Variants in TRIM56 observed in about 807,000 individuals in gnomAD.
The protein encoded by TRIM56 is E3 ubiquitin-protein ligase TRIM56.
TRIM56 carries 10 observed loss-of-function variants against 17.1 expected under a neutral mutation model. The ratio of observed to expected loss-of-function variants is 0.58; its 90% CI spans 0.36 to 0.99. The LOEUF (loss-of-function observed/expected upper bound fraction) is 0.99, where lower values mean the gene tolerates loss of function less well. Among genes scored for constraint, TRIM56 ranks in the 50% least tolerant of loss-of-function variants. TRIM56 has a pLI of 0.01. For missense variants in TRIM56, 923 were observed against 1,052.3 expected (o/e 0.88, Z 1.70); for synonymous variants, 503 against 473.5 (o/e 1.06, Z -0.81).
Position 101,094,726 on chromosome 7 carries a change from G to T in TRIM56, c.*5146G>T, listed in dbSNP as rs1021554379. The T allele has an allele frequency of 6.7e-6, 1 of 149,760 alleles. No homozygotes were observed. The highest frequency in any genetic ancestry group is 1.5e-5 in the Non-Finnish European group (1 of 67,802). 9.3% of individuals were successfully genotyped at this position (149,760 alleles called of 1,614,324 possible). On this transcript the variant is annotated 3_prime_UTR_variant, in exon 3 of 3. Coordinates refer to ENST00000306085, the MANE Select transcript of TRIM56 (RefSeq NM_030961.3). ...ATCGTGGAGTGTCTGGAAGGCGGGG[G>T]AAGTTTTGTTGAGTTCACCAAATAA... is the stretch of plus-strand genomic sequence containing the variant.
rs914931500 is a variant in TRIM56 at position 101,091,738 on chromosome 7, AAAAAG to A, written c.*2167_*2171del. On this transcript the variant is annotated 3_prime_UTR_variant, in exon 3 of 3. Transcript: ENST00000306085. ...ATGAAACTCCATCTCAAAAAAAAAG[AAAAAG>A]AAAAGAAAGAAAACCAAGGTCCCTC... 10 of 441,660 alleles carry A rather than the reference AAAAAG, an allele frequency of 2.3e-5. No individual in the cohort carries two copies. Among genetic ancestry groups the A allele is most frequent in the African/African-American group, 2.1e-4 (9 of 43,510 alleles). 27.4% of individuals were successfully genotyped at this position (441,660 alleles called of 1,614,324 possible).
chr7:101,087,796 C>G lies in TRIM56; in HGVS notation c.484C>G (p.Arg162Gly). ...YRAGWYDEEA[R>G]ERQAAQCPQH... ...GGCCGGGTGGTATGATGAGGAGGCCCGGGAGCGCCAAGCGGCCCAGTGTCC... is the reference window on the plus strand; with the variant it reads ...GGCCGGGTGGTATGATGAGGAGGCCGGGGAGCGCCAAGCGGCCCAGTGTCC... The change falls in exon 3 of 3, where the codon CGG becomes GGG. Residue 162 changes from arginine (R) to glycine (G), a missense_variant. Arg to Gly is a moderately radical substitution (Grantham distance 125). Transcript: ENST00000306085. 1.9e-6 allele frequency: 3 copies of G among 1,606,340 alleles called. No individual in the cohort carries two copies. Among genetic ancestry groups the G allele is most frequent in the Non-Finnish European group, 2.5e-6 (3 of 1,178,148 alleles).
rs1043311228 is a variant in TRIM56 at position 101,093,206 on chromosome 7, C to G, written c.*3626C>G. On this transcript the variant is annotated 3_prime_UTR_variant, in exon 3 of 3. Transcript: ENST00000306085. Reference sequence around the variant, plus strand: ...CAGGGACACAAACACTGCGGAAGGCCGCAGGGTCGTCTGCCTAGGAAAACC... The same window carrying G: ...CAGGGACACAAACACTGCGGAAGGCGGCAGGGTCGTCTGCCTAGGAAAACC... 5.7e-6 allele frequency: 1 copy of G among 174,952 alleles called. No individual in the cohort carries two copies. Among genetic ancestry groups the G allele is most frequent in the East Asian group, 1.7e-4 (1 of 5,888 alleles). 10.8% of individuals were successfully genotyped at this position (174,952 alleles called of 1,614,324 possible).
In TRIM56 at chr7:101,087,764, G is replaced by C. The variant is rs1483046713; in HGVS notation, c.452G>C (p.Gly151Ala). 2 of 1,606,012 alleles carry C rather than the reference G, an allele frequency of 1.2e-6. No homozygotes were observed. The highest frequency in any genetic ancestry group is 1.7e-6 in the Non-Finnish European group (2 of 1,177,828). ...ACCCACCGCGTGGTGGACCTGGTGG[G>C]CTACAGGGCCGGGTGGTATGATGAG... is the stretch of plus-strand genomic sequence containing the variant. ...THTHRVVDLV[G>A]YRAGWYDEEA... Residue 151 changes from glycine to alanine, a missense_variant, in exon 3 of 3, where the codon GGC becomes GCC. Gly to Ala is a moderately conservative substitution (Grantham distance 60, BLOSUM62 0). This residue lies in a region of TRIM56 where 643 missense variants were observed against 665.6 expected (regional missense o/e 0.97). Coordinates refer to ENST00000306085, the MANE Select transcript of TRIM56 (RefSeq NM_030961.3).
rs1256352630 is a variant in TRIM56, at chr7:101,090,049, A to G, written c.*469A>G. 3 of 168,992 alleles carry G rather than the reference A, an allele frequency of 1.8e-5. No homozygotes were observed. Among genetic ancestry groups the G allele is most frequent in the African/African-American group, 7.2e-5 (3 of 41,496 alleles). 10.5% of individuals were successfully genotyped at this position (168,992 alleles called of 1,614,324 possible). A position where few individuals can be genotyped will look rare whatever the true frequency, so the allele number is the denominator to read the frequency against. The stretch of plus-strand genomic sequence containing the variant: ...CCCCCTTGGACTGGCACAGGGTCCT[A>G]CAGAGTCAGAGGAGGCCTGAGATTT... On this transcript the variant is annotated 3_prime_UTR_variant, in exon 3 of 3. Coordinates refer to ENST00000306085, the MANE Select transcript of TRIM56 (RefSeq NM_030961.3).
At position 101,087,528 on chromosome 7, in the gene TRIM56, C is replaced by T. The variant is rs778095025; in HGVS notation, c.216C>T (p.Ser72=). Residue 72 remains serine (S), a synonymous_variant, in exon 3 of 3, where the codon TCC becomes TCT. Coordinates refer to ENST00000306085, the MANE Select transcript of TRIM56 (RefSeq NM_030961.3). ...TVPVPPEGVA[S]FKTNFFVNGL... ...CTGTGCCGCCCGAGGGTGTGGCCTC[C>T]TTCAAGACCAACTTCTTCGTCAATG... 1.3e-4 allele frequency: 211 copies of T among 1,613,198 alleles called. No individual in the cohort carries two copies. The highest frequency in any genetic ancestry group is 1.7e-4 in the Non-Finnish European group (204 of 1,179,650).
rs372598751 is a variant in TRIM56 at position 101,088,810 on chromosome 7, C to A, written c.1498C>A (p.Arg500=). 4.3e-6 allele frequency: 7 copies of A among 1,613,814 alleles called. No homozygotes were observed. The South Asian group carries it at 7.7e-5, about 18-fold the overall frequency. The change falls in exon 3 of 3, where the codon CGG becomes AGG. Residue 500 remains arginine, a synonymous_variant. Transcript: ENST00000306085. ...CATCTTTTACTGCAGTTTCCCCACG[C>A]GGATGCCTGGAGACAAGCGGTCCCC... ...RPIFYCSFPT[R]MPGDKRSPRI... is the part of the protein sequence containing the mutation.
In TRIM56 at chr7:101,091,311, C is replaced by T. The variant is rs764595665; in HGVS notation, c.*1731C>T. 5 of 160,252 alleles carry T rather than the reference C, an allele frequency of 3.1e-5. No individual in the cohort carries two copies. Among genetic ancestry groups the T allele is most frequent in the Admixed American group, 3.0e-4 (5 of 16,552 alleles). 9.9% of individuals were successfully genotyped at this position (160,252 alleles called of 1,614,324 possible). On this transcript the variant is annotated 3_prime_UTR_variant, in exon 3 of 3. Transcript: ENST00000306085. Reference sequence around the variant, plus strand: ...CATAGGTAGAGGGAAAAGAAAATCCCTTTCTGGGAAAACCATTTCTTGTTT... The same window carrying T: ...CATAGGTAGAGGGAAAAGAAAATCCTTTTCTGGGAAAACCATTTCTTGTTT...
Position 101,086,866 on chromosome 7 carries a change from G to A in TRIM56, c.-164-140G>A, listed in dbSNP as rs112582633. ...TCTGTGTCCTTACTGCCTGCTCCTC[G>A]CACCCTGGCACCCTATACAGCAGGA... is the stretch of plus-strand genomic sequence containing the variant. On this transcript the variant is annotated intron_variant, in intron 1 of 2. Coordinates refer to ENST00000306085, the MANE Select transcript of TRIM56 (RefSeq NM_030961.3). 11 of 163,528 alleles carry A rather than the reference G, an allele frequency of 6.7e-5. No individual in the cohort carries two copies. In the East Asian group the frequency reaches 1.3e-3, roughly 19 times the overall value. 10.1% of individuals were successfully genotyped at this position (163,528 alleles called of 1,614,324 possible). A position where few individuals can be genotyped will look rare whatever the true frequency, so the allele number is the denominator to read the frequency against.
rs755795414 is a variant in TRIM56, at chr7:101,092,133, A to C, written c.*2553A>C. 1.2e-5 allele frequency: 3 copies of C among 246,722 alleles called. No individual in the cohort carries two copies. The highest frequency in any genetic ancestry group is 1.6e-5 in the Non-Finnish European group (2 of 126,542). 15.3% of individuals were successfully genotyped at this position (246,722 alleles called of 1,614,324 possible). A position where few individuals can be genotyped will look rare whatever the true frequency, so the allele number is the denominator to read the frequency against. ...GGAGTGCAGTGTCGTGATCTCGGCT[A>C]GCTACAACCTCCACCTCCCAGCCGC... On this transcript the variant is annotated 3_prime_UTR_variant, in exon 3 of 3. Transcript: ENST00000306085.
In TRIM56 at chr7:101,092,650, C is replaced by G. The variant is rs966184473; in HGVS notation, c.*3070C>G. The G allele has an allele frequency of 7.0e-6, 1 of 143,722 alleles. No homozygotes were observed. The highest frequency in any genetic ancestry group is 1.5e-5 in the Non-Finnish European group (1 of 67,970). 8.9% of individuals were successfully genotyped at this position (143,722 alleles called of 1,614,324 possible). On this transcript the variant is annotated 3_prime_UTR_variant, in exon 3 of 3. Coordinates refer to ENST00000306085, the MANE Select transcript of TRIM56 (RefSeq NM_030961.3). ...GGGGGTCAGCCCCCGCCCGGCCAGC[C>G]GCGCCTTCCGGGAGGGAGGTGGGGG...
chr7:101,087,244 G>T, intron 2 of TRIM56, 68 bp from the exon 3 acceptor site: 1 of 1,428,620 alleles, frequency 7.0e-7, no homozygotes, highest in East Asian at 2.3e-5. Flanking sequence ...GAGGACGGGC[G>T]GTAGAAGCTA....
chr7:101,094,988 C>T lies in TRIM56; in HGVS notation c.*5408C>T, dbSNP rs1795634113. 6.6e-6 allele frequency: 1 copy of T among 151,692 alleles called. No homozygotes were observed. Among genetic ancestry groups the T allele is most frequent in the South Asian group, 2.1e-4 (1 of 4,820 alleles). The allele number at this position is 151,692 out of a possible 1,614,324, so 9.4% of individuals were successfully genotyped here. On this transcript the variant is annotated 3_prime_UTR_variant, in exon 3 of 3. Transcript: ENST00000306085. ...CTCCAAAGCTTTCCCACCTCCAAAACCTCGGCTTGTGGGGAATCTCCAGTA... is the reference window on the plus strand; with the variant it reads ...CTCCAAAGCTTTCCCACCTCCAAAATCTCGGCTTGTGGGGAATCTCCAGTA...
chr7:101,089,919 C>T lies in TRIM56; in HGVS notation c.*339C>T, dbSNP rs556469648. 1 of 259,734 alleles carries T rather than the reference C, an allele frequency of 3.9e-6. No individual in the cohort carries two copies. The highest frequency in any genetic ancestry group is 2.2e-5 in the African/African-American group (1 of 44,788). 16.1% of individuals were successfully genotyped at this position (259,734 alleles called of 1,614,324 possible). ...TTGTGAGCCTGTCCTGCTTTGCATT[C>T]TTCAAAACCATTCCTGATAGAGTAG... On this transcript the variant is annotated 3_prime_UTR_variant, in exon 3 of 3. Transcript: ENST00000306085.
chr7:101,088,876 C>T lies in TRIM56; in HGVS notation c.1564C>T (p.Leu522=). ...CTGTCCCTTCGGTCCCCGGGAGATC[C>T]TGGTGGCGGATGAGCAGAACCGGGC... ...GLCPFGPREI[L]VADEQNRALK... The change falls in exon 3 of 3, where the codon CTG becomes TTG. Residue 522 remains leucine, a synonymous_variant. Coordinates refer to ENST00000306085, the MANE Select transcript of TRIM56 (RefSeq NM_030961.3). 6.2e-7 allele frequency: 1 copy of T among 1,613,912 alleles called. No individual in the cohort carries two copies. Among genetic ancestry groups the T allele is most frequent in the Non-Finnish European group, 8.5e-7 (1 of 1,180,042 alleles).
chr7:101,088,636 A>G lies in TRIM56; in HGVS notation c.1324A>G (p.Thr442Ala), dbSNP rs1284789302. ...GACCTTGGAGGAGGACAGGGCCCAGACACCCCACGAGGATGGAGGACCCCA... is the reference window on the plus strand; with the variant it reads ...GACCTTGGAGGAGGACAGGGCCCAGGCACCCCACGAGGATGGAGGACCCCA... ...AQTLEEDRAQ[T>A]PHEDGGPQPH... is the part of the protein sequence containing the mutation. Residue 442 changes from threonine to alanine, a missense_variant, in exon 3 of 3, where the codon ACA becomes GCA. Thr to Ala is a moderately conservative substitution (Grantham distance 58, BLOSUM62 0). Coordinates refer to ENST00000306085, the MANE Select transcript of TRIM56 (RefSeq NM_030961.3). 6.2e-7 allele frequency: 1 copy of G among 1,613,810 alleles called. No individual in the cohort carries two copies. The highest frequency in any genetic ancestry group is 1.3e-5 in the African/African-American group (1 of 74,890).
In TRIM56 at chr7:101,089,752, C is replaced by T. The variant is rs904024595; in HGVS notation, c.*172C>T. 4.8e-6 allele frequency: 3 copies of T among 625,852 alleles called. No homozygotes were observed. The highest frequency in any genetic ancestry group is 3.7e-5 in the African/African-American group (2 of 54,084). The allele number at this position is 625,852 out of a possible 1,614,324, so 38.8% of individuals were successfully genotyped here. On this transcript the variant is annotated 3_prime_UTR_variant, in exon 3 of 3. Transcript: ENST00000306085. ...TCTTCTAGTGTGTGAGAATAGGGAC[C>T]AAGGTGGTGGCGTGACCTTAACTCT...
At position 101,089,010 on chromosome 7, in the gene TRIM56, T is replaced by C. The variant is rs1300772641; in HGVS notation, c.1698T>C (p.Ala566=). 3.1e-6 allele frequency: 5 copies of C among 1,607,018 alleles called. No homozygotes were observed. Among genetic ancestry groups the C allele is most frequent in the Non-Finnish European group, 2.5e-6 (3 of 1,179,720 alleles). The change falls in exon 3 of 3, where the codon GCT becomes GCC. Residue 566 remains alanine (A), a synonymous_variant. Transcript: ENST00000306085. The part of the protein sequence containing the change: ...AALQSAVAFS[A]SARLYLINPN... ...TGCAGAGCGCGGTGGCCTTCTCCGC[T>C]AGCGCACGGCTCTATCTCATCAACC... is the stretch of plus-strand genomic sequence containing the variant.
At position 101,087,370 on chromosome 7, in the gene TRIM56, G is replaced by A. The variant is rs765604056; in HGVS notation, c.58G>A (p.Ala20Thr). The change falls in exon 3 of 3, where the codon GCC becomes ACC. Residue 20 changes from alanine (A) to threonine (T), a missense_variant. Coordinates refer to ENST00000306085, the MANE Select transcript of TRIM56 (RefSeq NM_030961.3). ...LLEALSSDFL[A>T]CKICLEQLRA... ...GGAGGCCCTGAGCAGCGACTTCCTG[G>A]CCTGTAAAATCTGCCTGGAGCAGCT... 3 of 1,612,858 alleles carry A rather than the reference G, an allele frequency of 1.9e-6. No homozygotes were observed. The South Asian group carries it at 3.3e-5, about 18-fold the overall frequency.
Sources: gnomAD v4.1 joint callset for allele counts on GRCh38, gnomAD v4.1.1 for gene constraint, gnomAD v4.1.1 regional missense constraint, MANE v1.5 for transcripts, NCBI Gene and HGNC (gene_info 2026-07-23, HGNC 2026-07-21) for gene names.